Variants in PIP5K1B observed in about 807,000 individuals in gnomAD.
The protein encoded by PIP5K1B is phosphatidylinositol 4-phosphate 5-kinase type-1 beta.
PIP5K1B carries 42 observed loss-of-function variants against 67.0 expected under a neutral mutation model. The observed-to-expected ratio is 0.63, with a 90% CI of 0.49 to 0.81. The LOEUF is 0.81. Ranked by LOEUF, PIP5K1B falls within the 30% of genes least tolerant of loss-of-function variation. The pLI is 0.00. For missense variants in PIP5K1B, 459 were observed against 646.3 expected, an observed-to-expected ratio of 0.71 and a Z score of 3.14; for synonymous variants, 214 against 231.4, an observed-to-expected ratio of 0.92 and a Z score of 0.68.
intron 15 of PIP5K1B, among the ~76,000 whole-genome samples, chr9:69,003,303 C>T (rs1830906986): frequency 2.0e-5 from 3 of 152,018 alleles, no homozygotes. Context: ...GAAAATGAAA[C>T]ACGGGACTAA....
At chr9:68,933,445 T>G (rs1056288045) in intron 12 of PIP5K1B, among the ~76,000 whole-genome samples, 2 of 152,144 alleles carry the variant, frequency 1.3e-5, no homozygotes, top group Non-Finnish European at 2.9e-5. Flanking sequence ...ATTCAAAAAT[T>G]TCTTCCCCTC....
chr9:68,888,749 G>A (rs1419618613), intron 6 of PIP5K1B, among the ~76,000 whole-genome samples: 1 of 152,036 alleles, frequency 6.6e-6, no homozygotes, highest in Non-Finnish European at 1.5e-5. Context: ...TGACTCTGGG[G>A]GTTAGGAGTG....
intron 15 of PIP5K1B, among the ~76,000 whole-genome samples, chr9:68,993,076 G>T (rs1312591921): frequency 6.6e-6 from 1 of 150,962 alleles, no homozygotes; most frequent in Non-Finnish European, 1.5e-5. Context: ...GCAGGAGAAT[G>T]GCGTGAACCC....
At chr9:68,735,973 A>G (rs1313014578) in intron 1 of PIP5K1B, among the ~76,000 whole-genome samples, 1 of 152,194 alleles carries the variant, frequency 6.6e-6, no homozygotes, top group African/African-American at 2.4e-5. Context: ...AGGTTGGTCC[A>G]TGAGCCTGGA....
chr9:68,986,131 T>C (rs1160779481), intron 14 of PIP5K1B, among the ~76,000 whole-genome samples: 1 of 152,204 alleles, frequency 6.6e-6, no homozygotes, highest in Non-Finnish European at 1.5e-5. Flanking sequence ...GTGGAATTGG[T>C]GTATCATATT....
chr9:68,895,293 G>T (rs927588618), intron 8 of PIP5K1B, among the ~76,000 whole-genome samples: 5 of 151,266 alleles, frequency 3.3e-5, no homozygotes, highest in African/African-American at 9.7e-5. Context: ...AAAAACTAAG[G>T]GAAGATTTTT....
At chr9:68,803,104 T>C (rs1395940105) in intron 2 of PIP5K1B, among the ~76,000 whole-genome samples, 4 of 151,856 alleles carry the variant, frequency 2.6e-5, no homozygotes, top group African/African-American at 9.7e-5. Context: ...AATTGATAGG[T>C]TGTGGGGAGG....
At chr9:68,790,270 A>AAAATC (rs1831886344) in intron 2 of PIP5K1B, among the ~76,000 whole-genome samples, 1 of 152,236 alleles carries the variant, frequency 6.6e-6, no homozygotes, top group African/African-American at 2.4e-5. Flanking sequence ...TCTTCATAGA[A>AAAATC]AAATCAATTC....
chr9:68,759,098 T>C (rs947767632), intron 2 of PIP5K1B, among the ~76,000 whole-genome samples: 2 of 152,128 alleles, frequency 1.3e-5, no homozygotes, highest in African/African-American at 4.8e-5. Context: ...AAGGATGTTC[T>C]TCAGACAGAA....
At chr9:68,792,856 G>C (rs1477443264) in intron 2 of PIP5K1B, among the ~76,000 whole-genome samples, 4 of 152,246 alleles carry the variant, frequency 2.6e-5, no homozygotes, top group Admixed American at 2.6e-4. Flanking sequence ...GCCCTTTATA[G>C]TTTGCTGAGA....
At chr9:68,956,296 C>T (rs951773561) in intron 14 of PIP5K1B, among the ~76,000 whole-genome samples, 9 of 152,110 alleles carry the variant, frequency 5.9e-5, no homozygotes, top group Non-Finnish European at 8.8e-5. Flanking sequence ...CATGGGAAAA[C>T]CCCATCTCTA....
chr9:68,818,757 G>A (rs1201935284), intron 3 of PIP5K1B, among the ~76,000 whole-genome samples: 2 of 151,662 alleles, frequency 1.3e-5, no homozygotes, highest in Non-Finnish European at 2.9e-5. Context: ...AAAAAAAACC[G>A]AGATGTGGTC....
At chr9:68,773,377 A>G (rs1359486042) in intron 2 of PIP5K1B, among the ~76,000 whole-genome samples, 1 of 152,220 alleles carries the variant, frequency 6.6e-6, no homozygotes, top group African/African-American at 2.4e-5. Context: ...GAAGGCACCA[A>G]GGAGGTTCCT....
intron 2 of PIP5K1B, among the ~76,000 whole-genome samples, chr9:68,778,802 C>A (rs528103233): frequency 1.3e-4 from 20 of 152,238 alleles, no homozygotes; most frequent in Admixed American, 2.0e-4. Context: ...CACTCCCGCT[C>A]TTATGCTTCA....
At chr9:68,855,969 A>G (rs576889138) in intron 4 of PIP5K1B, among the ~76,000 whole-genome samples, 218 of 152,342 alleles carry the variant, frequency 1.4e-3, no homozygotes, top group Middle Eastern at 6.8e-3. Flanking sequence ...CAAACTTATT[A>G]TCTTATAGTT....
intron 13 of PIP5K1B, among the ~76,000 whole-genome samples, chr9:68,937,563 T>C (rs1308177467): frequency 6.6e-6 from 1 of 152,212 alleles, no homozygotes; most frequent in Non-Finnish European, 1.5e-5. Flanking sequence ...AGCTCCTGGA[T>C]GCATTGATTT....
intron 4 of PIP5K1B, among the ~76,000 whole-genome samples, 177 bp downstream of exon 4, chr9:68,822,860 T>TG (rs938081920): frequency 2.6e-5 from 4 of 152,234 alleles, no homozygotes; most frequent in Admixed American, 6.5e-5. Context: ...CATTATCTTA[T>TG]AGTTCAGTGA....
At chr9:68,710,534 ATT>A (rs1378010910) in intron 1 of PIP5K1B, among the ~76,000 whole-genome samples, 1 of 152,314 alleles carries the variant, frequency 6.6e-6, no homozygotes, top group East Asian at 1.9e-4. Flanking sequence ...GCTTTTGTAC[ATT>A]CTATTCTCAA....
At chr9:68,816,167 C>G (rs940885991) in intron 2 of PIP5K1B, among the ~76,000 whole-genome samples, 1 of 152,180 alleles carries the variant, frequency 6.6e-6, no homozygotes, top group African/African-American at 2.4e-5. Flanking sequence ...TCATTCTTGT[C>G]GTCCAGGCTG....
Sources: allele counts gnomAD v4.1 joint callset (sites outside exome capture counted in the v4.1 genomes callset), GRCh38; gene constraint gnomAD v4.1.1; transcripts MANE v1.5; gene names NCBI Gene and HGNC (gene_info 2026-07-23, HGNC 2026-07-21).